PGM2: variants seen among roughly 807,000 people sequenced by gnomAD.
The protein encoded by PGM2 is phosphopentomutase.
Under a neutral mutation model 74.6 loss-of-function variants are expected in PGM2, and 57 were observed. That is an observed-to-expected ratio of 0.76 (90% CI 0.62 to 0.95). The LOEUF is 0.95. PGM2 is among the 40% of genes least tolerant of loss of function. PGM2 has a pLI of 0.00. For synonymous variants in PGM2, 273 were observed against 260.7 expected (o/e 1.05, Z -0.46); for missense variants, 706 against 741.9 (o/e 0.95, Z 0.56).
Position 37,855,614 on chromosome 4 carries a change from C to T in PGM2, c.1609C>T (p.Pro537Ser). 1 of 1,613,412 alleles carries T rather than the reference C, an allele frequency of 6.2e-7. No homozygotes were observed. The highest frequency in any genetic ancestry group is 8.5e-7 in the Non-Finnish European group (1 of 1,179,666). ...DSQPDKKAVL[P>S]TSKSSQMITF... Reference sequence around the variant, plus strand: ...TGTGTGCATTAATTCCTAGGTTCTTCCCACTAGTAAAAGCAGCCAAATGAT... The same window carrying T: ...TGTGTGCATTAATTCCTAGGTTCTTTCCACTAGTAAAAGCAGCCAAATGAT... The change falls in exon 13 of 14, where the codon CCC (proline) becomes TCC (serine). Residue 537 changes from proline to serine, a missense_variant. Pro to Ser is a moderately conservative substitution (Grantham distance 74). Coordinates refer to ENST00000381967, the MANE Select transcript of PGM2 (RefSeq NM_018290.4).
intron 13 of PGM2, among the ~76,000 whole-genome samples, chr4:37,861,281 C>A (rs1315809438): frequency 3.9e-5 from 6 of 152,242 alleles, no homozygotes; most frequent in African/African-American, 1.4e-4. Context: ...GTTTATAGTT[C>A]AGACATTGGA....
At chr4:37,852,465 C>G (rs1726074940) in intron 12 of PGM2, among the ~76,000 whole-genome samples, 1 of 152,126 alleles carries the variant, frequency 6.6e-6, no homozygotes. Flanking sequence ...TCCTAGACCT[C>G]ATGGCTTCCT....
At chr4:37,850,956 A>C (rs552467767) in intron 12 of PGM2, among the ~76,000 whole-genome samples, 2 of 136,670 alleles carry the variant, frequency 1.5e-5, no homozygotes, top group South Asian at 4.5e-4. Context: ...GCACCACTAC[A>C]CTCTAGCCTG....
At chr4:37,846,511 G>A (rs1199479439) in intron 8 of PGM2, among the ~76,000 whole-genome samples, 3 of 152,130 alleles carry the variant, frequency 2.0e-5, no homozygotes, top group Non-Finnish European at 4.4e-5. Context: ...ATCTTAAGGG[G>A]TACTGAGCTG....
chr4:37,848,680 AAAT>A, intron 11 of PGM2, 29 bp downstream of exon 11: 2 of 1,534,608 alleles, frequency 1.3e-6, no homozygotes, highest in Non-Finnish European at 1.8e-6. Flanking sequence ...TGTTGGATTG[AAAT>A]AATATTTTGA....
At position 37,826,688 on chromosome 4, in the gene PGM2, A is replaced by G. The variant is rs1244331006; in HGVS notation, c.-45A>G. The stretch of plus-strand genomic sequence containing the variant: ...GTCTTGGGGCCGGGCCGGAAGGCAG[A>G]TCTCACCGCCTGCTTCCCTCTGCAG... On this transcript the variant is annotated 5_prime_UTR_variant, in exon 1 of 14. Transcript: ENST00000381967. 1 of 1,457,950 alleles carries G rather than the reference A, an allele frequency of 6.9e-7. No homozygotes were observed. Among genetic ancestry groups the G allele is most frequent in the East Asian group, 2.5e-5 (1 of 40,316 alleles). The allele number at this position is 1,457,950 out of a possible 1,614,324, so 90.3% of individuals were successfully genotyped here. A position where few individuals can be genotyped will look rare whatever the true frequency, so the allele number is the denominator to read the frequency against.
At chr4:37,831,192 CAAAAA>C (rs11432971) in intron 2 of PGM2, among the ~76,000 whole-genome samples, 4 of 74,088 alleles carry the variant, frequency 5.4e-5, no homozygotes, top group Admixed American at 3.6e-4. Flanking sequence ...GACTCTGTCT[CAAAAA>C]AAAAAAAAAA....
At chr4:37,833,634 T>C (rs1406160272) in intron 2 of PGM2, among the ~76,000 whole-genome samples, 1 of 152,210 alleles carries the variant, frequency 6.6e-6, no homozygotes, top group Non-Finnish European at 1.5e-5. Context: ...AAATGAATCA[T>C]TATTTTTGCC....
In PGM2 at chr4:37,829,991, C is replaced by T. The variant is rs754269058; in HGVS notation, c.109C>T (p.Arg37Ter). Residue 37 changes from arginine (R) to a stop codon, truncating the protein, a stop_gained, in exon 2 of 14, where the codon CGA (arginine) becomes TGA (stop). Coordinates refer to ENST00000381967, the MANE Select transcript of PGM2 (RefSeq NM_018290.4). LOFTEE classifies it high-confidence loss of function. ...KNSLTLEAVK[R>*]LIAEGNKEEL... is the part of the protein sequence containing the mutation. ...TTCCTTAACTTTGGAGGCAGTGAAA[C>T]GACTAATAGCAGAAGGTAATAAAGA... is the stretch of plus-strand genomic sequence containing the variant. The T allele has an allele frequency of 5.4e-5, 86 of 1,602,676 alleles. No homozygotes were observed. The highest frequency in any genetic ancestry group is 6.4e-5 in the Non-Finnish European group (75 of 1,175,598).
Position 37,847,471 on chromosome 4 carries a change from A to G in PGM2, c.1282+176A>G, listed in dbSNP as rs1725908795. The G allele has an allele frequency of 5.3e-6, 3 of 566,676 alleles. No individual in the cohort carries two copies. The East Asian group carries it at 8.9e-5, about 17-fold the overall frequency. 35.1% of individuals were successfully genotyped at this position (566,676 alleles called of 1,614,324 possible). On this transcript the variant is annotated intron_variant, in intron 10 of 13. Coordinates refer to ENST00000381967, the MANE Select transcript of PGM2 (RefSeq NM_018290.4). ...TCTCAGATGATTTACAGCCAAAAGG[A>G]ATGTCTTAAAAACAACTAAGTCATT...
At chr4:37,845,421 C>T (rs1725844797) in intron 7 of PGM2, among the ~76,000 whole-genome samples, 1 of 152,178 alleles carries the variant, frequency 6.6e-6, no homozygotes, top group Admixed American at 6.5e-5. Flanking sequence ...CATTATCTGA[C>T]CTCTGACTTA....
chr4:37,841,774 C>T (rs570208803), intron 6 of PGM2, among the ~76,000 whole-genome samples: 4 of 152,332 alleles, frequency 2.6e-5, no homozygotes, highest in African/African-American at 9.6e-5. Flanking sequence ...CTTTTCCACT[C>T]CAGGTAGCTT....
intron 13 of PGM2, among the ~76,000 whole-genome samples, chr4:37,857,312 A>G (rs1401131877): frequency 1.3e-5 from 2 of 152,224 alleles, no homozygotes; most frequent in Non-Finnish European, 2.9e-5. Context: ...AGCTTTGCTC[A>G]TAGAAGAGTT....
chr4:37,836,266 A>T (rs1231879626), intron 3 of PGM2, among the ~76,000 whole-genome samples: 1 of 152,152 alleles, frequency 6.6e-6, no homozygotes, highest in African/African-American at 2.4e-5. Context: ...GTTTGATGGG[A>T]TGGGATGGAG....
intron 13 of PGM2, among the ~76,000 whole-genome samples, chr4:37,856,790 A>G (rs1216187305): frequency 6.6e-6 from 1 of 152,204 alleles, no homozygotes; most frequent in African/African-American, 2.4e-5. Flanking sequence ...CAATCCACAG[A>G]TGCAATTTTG....
rs1025439654 is a variant in PGM2, at chr4:37,850,501, C to T, written c.1602+128C>T. ...GCACTTAGGCGTGATTATAAATAAG[C>T]TATAAAAAATATATGGAAGCCGGAT... is the stretch of plus-strand genomic sequence containing the variant. On this transcript the variant is annotated intron_variant, in intron 12 of 13. Coordinates refer to ENST00000381967, the MANE Select transcript of PGM2 (RefSeq NM_018290.4). The T allele has an allele frequency of 1.6e-5, 9 of 572,700 alleles. No homozygotes were observed. In the African/African-American group the frequency reaches 1.6e-4, roughly 10 times the overall value. 35.5% of individuals were successfully genotyped at this position (572,700 alleles called of 1,614,324 possible).
At chr4:37,858,363 A>T (rs576169215) in intron 13 of PGM2, among the ~76,000 whole-genome samples, 1 of 151,358 alleles carries the variant, frequency 6.6e-6, no homozygotes, top group Non-Finnish European at 1.5e-5. Flanking sequence ...TTTTTAAGAC[A>T]TCTCTCTCTG....
rs114130784 is a variant in PGM2 at position 37,834,564 on chromosome 4, G to A, written c.250-54G>A. ...AATTTTTGGCTAATTTTTCTATATG[G>A]TATATATAAAAATATGTTAAAACAT... On this transcript the variant is annotated intron_variant, in intron 2 of 13. Transcript: ENST00000381967. 1.3e-3 allele frequency: 1,163 copies of A among 884,872 alleles called. 11 individuals are homozygous for A. In the African/African-American group the frequency reaches 0.018, roughly 14 times the overall value. The allele number at this position is 884,872 out of a possible 1,614,324, so 54.8% of individuals were successfully genotyped here. A position where few individuals can be genotyped will look rare whatever the true frequency, so the allele number is the denominator to read the frequency against.
rs1162073321 is a variant in PGM2, at chr4:37,839,728, T to A, written c.442-120T>A. On this transcript the variant is annotated intron_variant, in intron 4 of 13. Coordinates refer to ENST00000381967, the MANE Select transcript of PGM2 (RefSeq NM_018290.4). ...GTGTGGCTCAAAAATATTATGCTATTTATATATTATGTTTATTAAAAGGGA... is the reference window on the plus strand; with the variant it reads ...GTGTGGCTCAAAAATATTATGCTATATATATATTATGTTTATTAAAAGGGA... 1.6e-5 allele frequency: 11 copies of A among 701,946 alleles called. No individual in the cohort carries two copies. The South Asian group carries it at 1.7e-4, about 11-fold the overall frequency. The allele number at this position is 701,946 out of a possible 1,614,324, so 43.5% of individuals were successfully genotyped here.
Sources: gnomAD v4.1 joint callset for allele counts (sites outside exome capture counted in the v4.1 genomes callset) on GRCh38, gnomAD v4.1.1 for gene constraint, MANE v1.5 for transcripts, NCBI Gene and HGNC (gene_info 2026-07-23, HGNC 2026-07-21) for gene names.